The following DHRS3 variants were observed in gnomAD, a reference collection of about 807,000 sequenced individuals.
DHRS3 encodes the protein dehydrogenase/reductase 3.
DHRS3 carries 14 observed loss-of-function variants against 27.2 expected under a neutral mutation model. The ratio of observed to expected loss-of-function variants is 0.52; its 90% CI spans 0.34 to 0.81. The LOEUF (loss-of-function observed/expected upper bound fraction) is 0.81. DHRS3 is among the 30% of genes least tolerant of loss of function. The pLI is 0.01. For missense variants in DHRS3, 322 were observed against 406.2 expected (o/e 0.79, Z 1.78); for synonymous variants, 165 against 175.9 (o/e 0.94, Z 0.49).
chr1:12,579,151 G>T, intron 3 of DHRS3, 142 bp downstream of exon 3: 2 of 1,427,626 alleles, frequency 1.4e-6, no homozygotes, highest in South Asian at 1.2e-5. Context: ...TCCTAGAGCT[G>T]GTCATTCGTC....
chr1:12,579,163 T>C, intron 3 of DHRS3, 130 bp downstream of exon 3: 1 of 1,495,594 alleles, frequency 6.7e-7, no homozygotes, highest in South Asian at 1.2e-5. Context: ...TCATTCGTCT[T>C]GTCTGGCCAC....
intron 1 of DHRS3, among the ~76,000 whole-genome samples, chr1:12,597,443 T>C (rs1253037688): frequency 6.6e-6 from 1 of 152,246 alleles, no homozygotes; most frequent in African/African-American, 2.4e-5. Context: ...ACTCCAGCCC[T>C]GATTCCAGCT....
chr1:12,589,843 T>C (rs1035754890), intron 1 of DHRS3, among the ~76,000 whole-genome samples: 7 of 150,234 alleles, frequency 4.7e-5, no homozygotes, highest in Admixed American at 6.7e-5. Context: ...TAGCTGTCAT[T>C]ATTATTATTA....
chr1:12,617,520 G>GAAA lies in DHRS3; in HGVS notation c.-175_-173dup, dbSNP rs58614555. On this transcript the variant is annotated 5_prime_UTR_variant, in exon 1 of 6. Transcript: ENST00000616661. ...AATGCAAAGCACCGGGTGAGAAAAA[G>GAAA]AAAAAAAAAAAAAAAAAAAAGATAA... The GAAA allele has an allele frequency of 0.013, 1,701 of 131,806 alleles. 22 individuals carry two copies. Among genetic ancestry groups the GAAA allele is most frequent in the African/African-American group, 0.02 (542 of 26,550 alleles). The allele number at this position is 131,806 out of a possible 1,614,324, so 8.2% of individuals were successfully genotyped here.
rs959235068 is a variant in DHRS3 at position 12,593,403 on chromosome 1, A to T, written c.196-12737T>A. On this transcript the variant is annotated intron_variant, in intron 1 of 5. Coordinates refer to ENST00000616661, the MANE Select transcript of DHRS3 (RefSeq NM_004753.7). This position sits in a 1 kb window ranked among gnomAD's most constrained non-coding sequence, Gnocchi z 4.6. ...TTATTTGTAGAGACGGGGGTATCACATTGTTGCCCAGGCTGGTCTTGAACT... is the reference window on the plus strand; with the variant it reads ...TTATTTGTAGAGACGGGGGTATCACTTTGTTGCCCAGGCTGGTCTTGAACT... Among the ~76,000 whole-genome samples the T allele has an allele frequency of 2.0e-5, 3 of 151,956 alleles. No individual in the cohort carries two copies. The highest frequency in any genetic ancestry group is 7.3e-5 in the African/African-American group (3 of 41,352).
chr1:12,617,463 C>T lies in DHRS3; in HGVS notation c.-115G>A. The T allele has an allele frequency of 3.1e-6, 3 of 958,926 alleles. No individual in the cohort carries two copies. Among genetic ancestry groups the T allele is most frequent in the Non-Finnish European group, 3.0e-6 (2 of 677,846 alleles). The allele number at this position is 958,926 out of a possible 1,614,324, so 59.4% of individuals were successfully genotyped here. On this transcript the variant is annotated 5_prime_UTR_variant, in exon 1 of 6. Coordinates refer to ENST00000616661, the MANE Select transcript of DHRS3 (RefSeq NM_004753.7). ...CCGAATAAGGAGGAGAGAGGCGTCC[C>T]ACCTGGCCACTCTTGAAATCACCTC...
intron 5 of DHRS3, among the ~76,000 whole-genome samples, chr1:12,571,107 G>A (rs950097944): frequency 1.3e-5 from 2 of 152,200 alleles, no homozygotes; most frequent in Non-Finnish European, 2.9e-5. Context: ...CAGTCAGGAG[G>A]GGGCCAGAGC....
chr1:12,580,474 T>C (rs749421480), intron 2 of DHRS3, 49 bp downstream of exon 2: 1 of 1,613,710 alleles, frequency 6.2e-7, no homozygotes, highest in Non-Finnish European at 8.5e-7. Context: ...TTGCCCGGAA[T>C]TAGCCTGTGG....
At position 12,578,488 on chromosome 1, in the gene DHRS3, AT is replaced by A. The variant is rs1190971025; in HGVS notation, c.698+229del. ...CATCACCATGCCCAGCTAATTTTTT[AT>A]TTTTTTTAGACACAGGGTTTCTCCA... On this transcript the variant is annotated intron_variant, in intron 4 of 5. Coordinates refer to ENST00000616661, the MANE Select transcript of DHRS3 (RefSeq NM_004753.7). This position sits in a 1 kb window ranked among gnomAD's most constrained non-coding sequence, Gnocchi z 4.5. Among the ~76,000 whole-genome samples the A allele has an allele frequency of 1.3e-5, 2 of 151,708 alleles. No individual in the cohort carries two copies. The highest frequency in any genetic ancestry group is 2.1e-4 in the South Asian group (1 of 4,812).
intron 1 of DHRS3, among the ~76,000 whole-genome samples, chr1:12,605,631 ATAAC>A (rs1646865444): frequency 6.6e-6 from 1 of 152,204 alleles, no homozygotes; most frequent in Non-Finnish European, 1.5e-5. Context: ...TTGCCCCAAA[ATAAC>A]TAACTTGTTA....
chr1:12,579,399 G>T lies in DHRS3; in HGVS notation c.353C>A (p.Thr118Asn). 1 of 1,614,090 alleles carries T rather than the reference G, an allele frequency of 6.2e-7. No homozygotes were observed. The highest frequency in any genetic ancestry group is 8.5e-7 in the Non-Finnish European group (1 of 1,179,964). The stretch of plus-strand genomic sequence containing the variant: ...CACGGCGGCATTGTTCACCAGGATG[G>T]TGATGTCACCCACCTGCAGGCGAGA... ...KAVREKVGDI[T>N]ILVNNAAVVH... is the part of the protein sequence containing the mutation. The change falls in exon 3 of 6, where the codon ACC (threonine) becomes AAC (asparagine). Residue 118 changes from threonine (T) to asparagine (N), a missense_variant. Coordinates refer to ENST00000616661, the MANE Select transcript of DHRS3 (RefSeq NM_004753.7).
At chr1:12,615,856 C>G (rs1646940867) in intron 1 of DHRS3, among the ~76,000 whole-genome samples, 1 of 152,188 alleles carries the variant, frequency 6.6e-6, no homozygotes, top group African/African-American at 2.4e-5. Flanking sequence ...CTTCCCAACT[C>G]CCCCTCCAAA....
rs1646617018 is a variant in DHRS3, at chr1:12,578,951, G to A, written c.465C>T (p.Thr155=). The part of the protein sequence containing the change: ...HINTLGQFWT[T]KAFLPRMLEL... Reference sequence around the variant, plus strand: ...CCAGCATACGCGGCAGGAAGGCCTTGGTGGTCTGAGGGCAGATGGGGTGTC... The same window carrying A: ...CCAGCATACGCGGCAGGAAGGCCTTAGTGGTCTGAGGGCAGATGGGGTGTC... The change falls in exon 4 of 6, where the codon ACC becomes ACT. Residue 155 remains threonine, a synonymous_variant. Coordinates refer to ENST00000616661, the MANE Select transcript of DHRS3 (RefSeq NM_004753.7). The surrounding 1 kb of genome is among the most constrained non-coding windows in gnomAD (Gnocchi z 4.5). The A allele has an allele frequency of 6.2e-7, 1 of 1,611,504 alleles. No individual in the cohort carries two copies. The highest frequency in any genetic ancestry group is 1.3e-5 in the African/African-American group (1 of 74,910).
intron 1 of DHRS3, 132 bp downstream of exon 1, chr1:12,617,022 C>T (rs965132209): frequency 1.5e-5 from 17 of 1,152,160 alleles, no homozygotes; most frequent in Non-Finnish European, 2.0e-5. Context: ...TAGCTCAGCA[C>T]TCGTGGGTGG....
At chr1:12,605,473 C>T (rs1295241795) in intron 1 of DHRS3, among the ~76,000 whole-genome samples, 3 of 152,030 alleles carry the variant, frequency 2.0e-5, no homozygotes, top group South Asian at 2.1e-4. Context: ...ATGTATATTC[C>T]CATGTATATT....
chr1:12,576,854 G>A (rs781294459), intron 4 of DHRS3, among the ~76,000 whole-genome samples: 33 of 148,608 alleles, frequency 2.2e-4, no homozygotes, highest in Non-Finnish European at 1.8e-4. Context: ...TGAGCATCTA[G>A]TATCCGGGCT....
At chr1:12,595,513 AG>A (rs1411289286) in intron 1 of DHRS3, among the ~76,000 whole-genome samples, 1 of 3,014 alleles carries the variant, frequency 3.3e-4, no homozygotes, top group East Asian at 8.2e-3. Flanking sequence ...GGGGATGGGA[AG>A]GGGCGGGAGA....
chr1:12,610,410 GTC>G (rs1221050326), intron 1 of DHRS3, among the ~76,000 whole-genome samples: 4 of 152,048 alleles, frequency 2.6e-5, no homozygotes, highest in Admixed American at 6.6e-5. Context: ...CTTTTTATCT[GTC>G]TCTCTTACTA....
At position 12,585,508 on chromosome 1, in the gene DHRS3, C is replaced by A. The variant is rs543533017; in HGVS notation, c.196-4842G>T. On this transcript the variant is annotated intron_variant, in intron 1 of 5. Transcript: ENST00000616661. ...GCTGGGCACCTTCCATCTTAGGAAC[C>A]GGTAGCGTCTCTGAAGTGCTGGGCT... Among the ~76,000 whole-genome samples, 4 of 152,240 alleles carry A rather than the reference C, an allele frequency of 2.6e-5. No homozygotes were observed. The East Asian group carries it at 5.8e-4, about 22-fold the overall frequency.
Sources: allele counts gnomAD v4.1 joint callset (sites outside exome capture counted in the v4.1 genomes callset), GRCh38; gene constraint gnomAD v4.1.1; non-coding constraint Gnocchi (gnomAD v3.1); transcripts MANE v1.5; gene names NCBI Gene and HGNC (gene_info 2026-07-23, HGNC 2026-07-21).